CCSER1: variants seen among roughly 807,000 people sequenced by gnomAD.
CCSER1 encodes the protein coiled-coil serine rich protein 1.
CCSER1 carries 41 observed loss-of-function variants against 82.0 expected under a neutral mutation model. The observed-to-expected ratio is 0.50, with a 90% CI of 0.39 to 0.65. The LOEUF is 0.65. Among genes scored for constraint, CCSER1 ranks in the 30% least tolerant of loss-of-function variants. CCSER1 has a pLI of 0.00. For synonymous variants in CCSER1, 414 were observed against 383.9 expected (o/e 1.08, Z -0.92); for missense variants, 1,119 against 1,064.2 (o/e 1.05, Z -0.72).
chr4:90,972,198 C>CT (rs1324781544), intron 9 of CCSER1, among the ~76,000 whole-genome samples: 1 of 151,778 alleles, frequency 6.6e-6, no homozygotes, highest in African/African-American at 2.4e-5. Flanking sequence ...AAAATTGTCT[C>CT]TGTTTGCAGA....
At chr4:90,289,837 C>T (rs1306793711) in intron 1 of CCSER1, among the ~76,000 whole-genome samples, 1 of 151,686 alleles carries the variant, frequency 6.6e-6, no homozygotes, top group East Asian at 1.9e-4. Flanking sequence ...CTTCTTTAGT[C>T]CTTATAATAG....
At chr4:91,582,202 T>C (rs1375641260) in intron 10 of CCSER1, among the ~76,000 whole-genome samples, 5 of 151,534 alleles carry the variant, frequency 3.3e-5, no homozygotes, top group Non-Finnish European at 7.4e-5. Flanking sequence ...GATTGCTACA[T>C]GTAGGCAAGA....
chr4:90,413,625 GAAT>G (rs1560480324), intron 4 of CCSER1, among the ~76,000 whole-genome samples: 2 of 151,874 alleles, frequency 1.3e-5, no homozygotes. Flanking sequence ...TGATTGTATT[GAAT>G]AATTTGAATA....
chr4:90,307,652 A>T (rs1211322669), intron 1 of CCSER1, among the ~76,000 whole-genome samples: 7 of 147,832 alleles, frequency 4.7e-5, no homozygotes, highest in African/African-American at 1.5e-4. Flanking sequence ...GCATAATTTA[A>T]AAAAAAAAAA....
At chr4:90,382,801 A>G (rs1286733105) in intron 3 of CCSER1, among the ~76,000 whole-genome samples, 1 of 152,150 alleles carries the variant, frequency 6.6e-6, no homozygotes, top group African/African-American at 2.4e-5. Context: ...ATACAAAGTT[A>G]TTTTAAAAAC....
chr4:90,305,109 G>C (rs541287244), intron 1 of CCSER1, among the ~76,000 whole-genome samples: 6 of 152,044 alleles, frequency 3.9e-5, no homozygotes, highest in African/African-American at 1.2e-4. Flanking sequence ...GTAGAGACGG[G>C]GTTTCACCGT....
At chr4:90,592,011 A>G (rs1181306015) in intron 5 of CCSER1, among the ~76,000 whole-genome samples, 4 of 152,040 alleles carry the variant, frequency 2.6e-5, no homozygotes, top group Non-Finnish European at 5.9e-5. Flanking sequence ...AGGGAGGGAA[A>G]CATTACACAC....
At chr4:90,507,289 C>T (rs1291515271) in intron 5 of CCSER1, among the ~76,000 whole-genome samples, 1 of 150,062 alleles carries the variant, frequency 6.7e-6, no homozygotes. Flanking sequence ...ACTGCCCTTC[C>T]TTTGTCCCTG....
intron 5 of CCSER1, among the ~76,000 whole-genome samples, chr4:90,481,058 C>A (rs867840576): frequency 6.6e-6 from 1 of 152,114 alleles, no homozygotes; most frequent in Admixed American, 6.5e-5. Flanking sequence ...TTTCCTTGAG[C>A]AGTGGTTTGA....
intron 10 of CCSER1, among the ~76,000 whole-genome samples, chr4:91,370,600 G>A (rs770515706): frequency 7.9e-5 from 12 of 152,026 alleles, no homozygotes; most frequent in Non-Finnish European, 1.5e-4. Context: ...GGAGGCTGAG[G>A]CAGGAGAATT....
intron 3 of CCSER1, among the ~76,000 whole-genome samples, chr4:90,348,624 C>T (rs1277384610): frequency 1.3e-5 from 2 of 151,940 alleles, no homozygotes; most frequent in Admixed American, 1.3e-4. Flanking sequence ...GACAATTGTT[C>T]ATTTGATTAT....
chr4:90,345,719 C>T (rs1010891654), intron 3 of CCSER1, among the ~76,000 whole-genome samples: 3 of 152,052 alleles, frequency 2.0e-5, no homozygotes, highest in South Asian at 2.1e-4. Flanking sequence ...TTACTCTCTT[C>T]GAACCCAGCA....
At chr4:91,256,466 C>T (rs12504381) in intron 10 of CCSER1, among the ~76,000 whole-genome samples, 33,377 of 152,056 alleles carry the variant, frequency 0.22, 4,245 homozygotes, top group East Asian at 0.34. Flanking sequence ...CCTATTCATA[C>T]ACTCCCTCCC....
At chr4:91,080,899 A>T (rs1205848990) in intron 9 of CCSER1, among the ~76,000 whole-genome samples, 10 of 152,218 alleles carry the variant, frequency 6.6e-5, no homozygotes, top group Non-Finnish European at 1.5e-4. Context: ...AGGTTCTGAA[A>T]TTGAGGTAAT....
chr4:90,977,926 C>T (rs190358066), intron 9 of CCSER1, among the ~76,000 whole-genome samples: 3 of 151,308 alleles, frequency 2.0e-5, no homozygotes, highest in Admixed American at 1.3e-4. Flanking sequence ...TTTTCAATGC[C>T]CTATGTGCTA....
intron 10 of CCSER1, among the ~76,000 whole-genome samples, chr4:91,102,375 C>T (rs548305055): frequency 6.6e-5 from 10 of 152,120 alleles, no homozygotes; most frequent in African/African-American, 1.9e-4. Flanking sequence ...ATTGTAGCTT[C>T]GTACAGCAAG....
At chr4:90,146,085 G>A (rs1301583171) in intron 1 of CCSER1, among the ~76,000 whole-genome samples, 1 of 152,152 alleles carries the variant, frequency 6.6e-6, no homozygotes, top group East Asian at 1.9e-4. Context: ...TGGGAAAAAT[G>A]TTTCAAAGTG....
At chr4:91,406,308 T>G (rs1752695532) in intron 10 of CCSER1, among the ~76,000 whole-genome samples, 1 of 152,186 alleles carries the variant, frequency 6.6e-6, no homozygotes, top group Non-Finnish European at 1.5e-5. Flanking sequence ...TTAATAAATT[T>G]AAGAAGTCAA....
At chr4:90,674,654 A>G (rs188976631) in intron 6 of CCSER1, among the ~76,000 whole-genome samples, 137 of 152,058 alleles carry the variant, frequency 9.0e-4, no homozygotes, top group African/African-American at 3.3e-3. Context: ...AATACATTCA[A>G]TCCACAGATA....
Sources: allele counts gnomAD v4.1 joint callset (sites outside exome capture counted in the v4.1 genomes callset), GRCh38; gene constraint gnomAD v4.1.1; transcripts MANE v1.5; gene names NCBI Gene and HGNC (gene_info 2026-07-23, HGNC 2026-07-21).